DOCK1: variants seen among roughly 807,000 people sequenced by gnomAD.
DOCK1 encodes dedicator of cytokinesis 1.
Under a neutral mutation model 262.7 loss-of-function variants are expected in DOCK1, and 138 were observed. That is an observed-to-expected ratio of 0.53 (90% CI 0.46 to 0.61). The LOEUF (loss-of-function observed/expected upper bound fraction) is 0.61, where lower values mean the gene tolerates loss of function less well. DOCK1 is among the 20% of genes least tolerant of loss of function. The probability of loss-of-function intolerance (pLI) is 0.00; values close to 1 mark genes in which losing one functional copy is unlikely to be tolerated. For missense variants in DOCK1, 1,908 were observed against 2,370.7 expected (o/e 0.80, Z 4.05); for synonymous variants, 866 against 867.4 (o/e 1.00, Z 0.03).
intron 1 of DOCK1, among the ~76,000 whole-genome samples, chr10:126,954,047 T>C (rs2036541045): frequency 6.6e-6 from 1 of 152,192 alleles, no homozygotes; most frequent in African/African-American, 2.4e-5. Context: ...CCTTGTGTGC[T>C]TTCGTCCTGC....
intron 23 of DOCK1, among the ~76,000 whole-genome samples, chr10:127,082,246 G>A (rs1044141957): frequency 2.0e-5 from 3 of 152,128 alleles, no homozygotes; most frequent in Admixed American, 2.0e-4. Context: ...GAAATATTAA[G>A]CCATACTCAG....
intron 27 of DOCK1, among the ~76,000 whole-genome samples, chr10:127,222,837 T>A (rs1035300417): frequency 5.3e-5 from 5 of 95,236 alleles, no homozygotes; most frequent in African/African-American, 1.6e-4. Flanking sequence ...GGCTAATTTT[T>A]TTCTTTCTTA....
At chr10:126,997,499 G>T (rs1018698043) in intron 7 of DOCK1, among the ~76,000 whole-genome samples, 1,134 of 18,888 alleles carry the variant, frequency 0.06, 12 homozygotes, top group Admixed American at 0.11. Flanking sequence ...GAGGGTGTGC[G>T]GGGGGGTGCT....
chr10:127,272,837 C>T (rs1434598442), intron 29 of DOCK1, among the ~76,000 whole-genome samples: 2 of 152,194 alleles, frequency 1.3e-5, no homozygotes, highest in Admixed American at 6.5e-5. Flanking sequence ...GAGAAGAGAG[C>T]TTGTGCATGG....
At chr10:127,064,754 CA>C (rs561992983) in intron 23 of DOCK1, among the ~76,000 whole-genome samples, 113 of 152,304 alleles carry the variant, frequency 7.4e-4, no homozygotes, top group African/African-American at 2.4e-3. Flanking sequence ...CTGCCGTGGC[CA>C]AATAACATGA....
chr10:126,988,966 G>A (rs1299485664), intron 5 of DOCK1, among the ~76,000 whole-genome samples: 1 of 151,960 alleles, frequency 6.6e-6, no homozygotes, highest in African/African-American at 2.4e-5. Flanking sequence ...CCAGCTACTT[G>A]GGAAGCTTAG....
At chr10:127,260,949 A>C (rs1321737815) in intron 29 of DOCK1, among the ~76,000 whole-genome samples, 2 of 77,228 alleles carry the variant, frequency 2.6e-5, no homozygotes, top group Non-Finnish European at 4.9e-5. Flanking sequence ...ACCCGTGCTC[A>C]TCTGTGTGTG....
intron 27 of DOCK1, chr10:127,138,167 T>C (rs2133234837): frequency 1.4e-6 from 1 of 695,906 alleles, no homozygotes; most frequent in Non-Finnish European, 2.3e-6. Flanking sequence ...TACTATGTTT[T>C]AGCTCTGTGC....
At chr10:127,342,417 T>C (rs2063474766) in intron 30 of DOCK1, among the ~76,000 whole-genome samples, 1 of 152,194 alleles carries the variant, frequency 6.6e-6, no homozygotes, top group Non-Finnish European at 1.5e-5. Flanking sequence ...TTCTGCTTCA[T>C]GTGTTACCTG....
intron 29 of DOCK1, among the ~76,000 whole-genome samples, chr10:127,272,815 G>A (rs982205240): frequency 1.8e-4 from 27 of 152,198 alleles, no homozygotes; most frequent in South Asian, 1.0e-3. Flanking sequence ...TGTCTCACAC[G>A]GTGGCAGACA....
chr10:127,138,020 A>T (rs773054236), intron 27 of DOCK1: 1 of 1,604,508 alleles, frequency 6.2e-7, no homozygotes, highest in Non-Finnish European at 8.5e-7. Context: ...CCAGCTCCAC[A>T]CTAGAAAAGA....
chr10:127,372,433 A>G (rs2065257577), intron 33 of DOCK1, among the ~76,000 whole-genome samples: 1 of 152,148 alleles, frequency 6.6e-6, no homozygotes, highest in African/African-American at 2.4e-5. Context: ...GTTGTGATTT[A>G]TCAACCCTCT....
chr10:127,215,227 C>T (rs747706755), intron 27 of DOCK1, among the ~76,000 whole-genome samples: 19 of 152,150 alleles, frequency 1.2e-4, no homozygotes, highest in Admixed American at 3.3e-4. Context: ...TCCTGGGATC[C>T]ATGAGTGGCT....
chr10:126,985,987 G>C (rs2039354326), intron 4 of DOCK1, among the ~76,000 whole-genome samples: 1 of 152,104 alleles, frequency 6.6e-6, no homozygotes, highest in Admixed American at 6.6e-5. Flanking sequence ...TGGGATTACA[G>C]GCCCGCACCA....
At chr10:127,027,752 C>G (rs2042966856) in intron 16 of DOCK1, among the ~76,000 whole-genome samples, 1 of 151,250 alleles carries the variant, frequency 6.6e-6, no homozygotes, top group Admixed American at 6.6e-5. Context: ...CTGACTATTT[C>G]TGGGGCCTGG....
intron 16 of DOCK1, among the ~76,000 whole-genome samples, chr10:127,029,680 C>A (rs2043108328): frequency 6.6e-6 from 1 of 152,224 alleles, no homozygotes; most frequent in South Asian, 2.1e-4. Flanking sequence ...AACCATCCAT[C>A]TCATGATGGC....
At chr10:126,965,607 C>A (rs1289658264) in intron 1 of DOCK1, among the ~76,000 whole-genome samples, 8 of 152,116 alleles carry the variant, frequency 5.3e-5, no homozygotes, top group African/African-American at 1.4e-4. Flanking sequence ...TACCTTGAGC[C>A]AGTCACAACG....
chr10:126,978,034 C>T (rs1033685244), intron 3 of DOCK1, 46 bp downstream of exon 3: 2 of 1,564,060 alleles, frequency 1.3e-6, no homozygotes. Context: ...TCATAAATCA[C>T]ACCTTGAGAG....
At chr10:127,315,187 G>T (rs891714166) in intron 29 of DOCK1, among the ~76,000 whole-genome samples, 1 of 152,112 alleles carries the variant, frequency 6.6e-6, no homozygotes, top group East Asian at 1.9e-4. Context: ...AGAAGATGGT[G>T]GTGGTGTTAA....
Sources: allele counts gnomAD v4.1 joint callset (sites outside exome capture counted in the v4.1 genomes callset), GRCh38; gene constraint gnomAD v4.1.1; transcripts MANE v1.5; gene names NCBI Gene and HGNC (gene_info 2026-07-23, HGNC 2026-07-21).